Variants in RMI1 observed in about 807,000 individuals in gnomAD.
RMI1 encodes RecQ mediated genome instability 1.
A neutral mutation model predicts 46.7 loss-of-function variants in RMI1; 36 were observed. That is an observed-to-expected ratio of 0.77 (90% confidence interval 0.59 to 1.02). The LOEUF (loss-of-function observed/expected upper bound fraction) is 1.02, where lower values mean the gene tolerates loss of function less well. RMI1 is among the 50% of genes least tolerant of loss of function. The probability of loss-of-function intolerance (pLI) is 0.00; values close to 1 mark genes in which losing one functional copy is unlikely to be tolerated. For missense variants in RMI1, 676 were observed against 713.7 expected (o/e 0.95, Z 0.60); for synonymous variants, 250 against 252.9 (o/e 0.99, Z 0.11).
chr9:83,995,290 C>T (rs1369775654), intron 1 of RMI1, among the ~76,000 whole-genome samples: 2 of 111,686 alleles, frequency 1.8e-5, no homozygotes, highest in African/African-American at 3.4e-5. Context: ...TGAGCCACTG[C>T]CCCGGCCTCA....
chr9:84,000,513 A>G (rs1480342254), intron 2 of RMI1, among the ~76,000 whole-genome samples: 1 of 152,184 alleles, frequency 6.6e-6, no homozygotes, highest in East Asian at 1.9e-4. Flanking sequence ...AGTTTCAGAC[A>G]TCCACTGGGG....
At chr9:83,983,009 T>A (rs914466514) in intron 1 of RMI1, among the ~76,000 whole-genome samples, 3 of 152,252 alleles carry the variant, frequency 2.0e-5, no homozygotes, top group Non-Finnish European at 2.9e-5. Context: ...GTGATCACTT[T>A]GGACTCAGTG....
intron 1 of RMI1, among the ~76,000 whole-genome samples, chr9:83,986,646 T>C (rs1221470951): frequency 6.6e-6 from 1 of 152,256 alleles, no homozygotes; most frequent in Non-Finnish European, 1.5e-5. Flanking sequence ...GTACATTTTT[T>C]ATTGATATCT....
Position 84,001,160 on chromosome 9 carries a change from T to TA in RMI1, c.175dup (p.Thr59AsnfsTer2). On this transcript the variant is annotated frameshift_variant, in exon 3 of 3. Coordinates refer to ENST00000445877, the MANE Select transcript of RMI1 (RefSeq NM_001358291.2). LOFTEE classifies it high-confidence loss of function. The stretch of plus-strand genomic sequence containing the variant: ...AACAAGTGTTTGAGCAGTGGCTCCT[T>TA]ACTGATCTGAGGGATTTGGAGCATC... 1 of 1,614,098 alleles carries TA rather than the reference T, an allele frequency of 6.2e-7. No homozygotes were observed. Among genetic ancestry groups the TA allele is most frequent in the Admixed American group, 1.7e-5 (1 of 60,004 alleles).
Position 84,002,867 on chromosome 9 carries a change from A to G in RMI1, c.*3A>G. The G allele has an allele frequency of 7.0e-7, 1 of 1,434,330 alleles. No homozygotes were observed. Among genetic ancestry groups the G allele is most frequent in the Non-Finnish European group, 9.5e-7 (1 of 1,056,718 alleles). 88.9% of individuals were successfully genotyped at this position (1,434,330 alleles called of 1,614,324 possible). A position where few individuals can be genotyped will look rare whatever the true frequency, so the allele number is the denominator to read the frequency against. ...TAAAGAAGCGGTTAAATAAATAATT[A>G]AACTAAAATAGTATTAGGAACAATT... On this transcript the variant is annotated 3_prime_UTR_variant, in exon 3 of 3. Coordinates refer to ENST00000445877, the MANE Select transcript of RMI1 (RefSeq NM_001358291.2).
intron 1 of RMI1, among the ~76,000 whole-genome samples, chr9:83,989,394 A>T (rs1454427530): frequency 6.6e-6 from 1 of 152,260 alleles, no homozygotes; most frequent in Admixed American, 6.5e-5. Context: ...CAGAGTAAAG[A>T]GACAACTTAT....
At chr9:83,999,055 C>T (rs932032818) in intron 1 of RMI1, among the ~76,000 whole-genome samples, 6 of 151,942 alleles carry the variant, frequency 3.9e-5, no homozygotes, top group African/African-American at 1.4e-4. Flanking sequence ...GCAGGAGAAT[C>T]GATTGAACCT....
intron 1 of RMI1, among the ~76,000 whole-genome samples, chr9:83,985,012 C>T (rs1254808600): frequency 6.6e-6 from 1 of 152,164 alleles, no homozygotes; most frequent in African/African-American, 2.4e-5. Context: ...GCTGCTTCTA[C>T]CTGCTTGTGA....
chr9:84,001,700 T>C lies in RMI1; in HGVS notation c.714T>C (p.Pro238=). 1 of 1,613,990 alleles carries C rather than the reference T, an allele frequency of 6.2e-7. No individual in the cohort carries two copies. The change falls in exon 3 of 3, where the codon CCT becomes CCC. Residue 238 remains proline, a synonymous_variant. Coordinates refer to ENST00000445877, the MANE Select transcript of RMI1 (RefSeq NM_001358291.2). ...CCAGAGTTACAGATGTTCTAGATCC[T>C]GCATTAGGTCCTTCTGATGAAGAAC... ...NIPRVTDVLD[P]ALGPSDEELL...
intron 1 of RMI1, 77 bp downstream of exon 1, chr9:83,980,968 G>T (rs554466032): frequency 1.3e-5 from 2 of 152,488 alleles, no homozygotes; most frequent in Middle Eastern, 3.4e-3. Context: ...CCCGCCCCGG[G>T]CTGTGGTCTG....
chr9:83,987,848 TCA>T (rs1957515278), intron 1 of RMI1, among the ~76,000 whole-genome samples: 1 of 152,210 alleles, frequency 6.6e-6, no homozygotes, highest in African/African-American at 2.4e-5. Context: ...ATGGATATTA[TCA>T]CAGTTTGTTT....
At chr9:83,985,653 C>T (rs1359113670) in intron 1 of RMI1, among the ~76,000 whole-genome samples, 1 of 152,178 alleles carries the variant, frequency 6.6e-6, no homozygotes, top group African/African-American at 2.4e-5. Context: ...GTTCACTGAG[C>T]AGTGTTTTTC....
In RMI1 at chr9:84,001,026, C is replaced by T; in HGVS notation, c.40C>T (p.Leu14Phe). Reference protein sequence around the residue: ...TSIALRAETWLLAAWHVKVPP... With the variant: ...TSIALRAETWFLAAWHVKVPP... ...TATTGCATTAAGAGCTGAAACTTGG[C>T]TTTTAGCTGCATGGCATGTTAAAGT... Residue 14 changes from leucine (L) to phenylalanine (F), a missense_variant, in exon 3 of 3, where the codon CTT becomes TTT. By Grantham distance (22) the Leu-to-Phe change is conservative (BLOSUM62 0). Coordinates refer to ENST00000445877, the MANE Select transcript of RMI1 (RefSeq NM_001358291.2). 1 of 1,612,852 alleles carries T rather than the reference C, an allele frequency of 6.2e-7. No homozygotes were observed. Among genetic ancestry groups the T allele is most frequent in the Non-Finnish European group, 8.5e-7 (1 of 1,179,444 alleles).
rs1293497407 is a variant in RMI1 at position 84,001,799 on chromosome 9, A to G, written c.813A>G (p.Thr271=). The change falls in exon 3 of 3, where the codon ACA becomes ACG. Residue 271 remains threonine (T), a synonymous_variant. Coordinates refer to ENST00000445877, the MANE Select transcript of RMI1 (RefSeq NM_001358291.2). ...CTTCCTCAGAACGATGTTTCACCAC[A>G]GGTAGTTCCTCAAATACCATTCCCA... ...NDTSSERCFT[T]GSSSNTIPTR... 5.6e-6 allele frequency: 9 copies of G among 1,614,076 alleles called. No homozygotes were observed. The highest frequency in any genetic ancestry group is 7.6e-6 in the Non-Finnish European group (9 of 1,179,944).
Position 84,004,044 on chromosome 9 carries a change from A to G in RMI1, c.*1180A>G, listed in dbSNP as rs916178828. On this transcript the variant is annotated 3_prime_UTR_variant, in exon 3 of 3. Coordinates refer to ENST00000445877, the MANE Select transcript of RMI1 (RefSeq NM_001358291.2). ...AATAATTTAAAGTGCTTTGAATTTT[A>G]AAACATTAAACAAATCCTTAAATAA... 4 of 158,378 alleles carry G rather than the reference A, an allele frequency of 2.5e-5. No homozygotes were observed. Among genetic ancestry groups the G allele is most frequent in the African/African-American group, 4.8e-5 (2 of 41,464 alleles). The allele number at this position is 158,378 out of a possible 1,614,324, so 9.8% of individuals were successfully genotyped here.
chr9:83,984,549 A>G (rs1487543206), intron 1 of RMI1, among the ~76,000 whole-genome samples: 4 of 144,342 alleles, frequency 2.8e-5, no homozygotes, highest in African/African-American at 7.9e-5. Context: ...TGGGATTACC[A>G]GTTTTGAACA....
At position 83,990,488 on chromosome 9, in the gene RMI1, C is replaced by T. The variant is rs150729203; in HGVS notation, c.-125-9221C>T. ...TAGCGCCGCTGCACTCCAGCCTGGG[C>T]GACAGAGCTAGAATGCTGTCTTAAA... On this transcript the variant is annotated intron_variant, in intron 1 of 2. Transcript: ENST00000445877. Among the ~76,000 whole-genome samples the T allele has an allele frequency of 6.1e-3, 873 of 144,278 alleles. 8 individuals are homozygous for T. Among genetic ancestry groups the T allele is most frequent in the African/African-American group, 0.021 (829 of 39,184 alleles). The allele number at this position is 144,278 out of a possible 152,430, so 94.7% of individuals were successfully genotyped here.
chr9:83,995,424 C>CTTT (rs5898840), intron 1 of RMI1, among the ~76,000 whole-genome samples: 1 of 139,876 alleles, frequency 7.1e-6, no homozygotes, highest in Non-Finnish European at 1.5e-5. Context: ...TGTGTAATAT[C>CTTT]TTTTTTTTTT....
At chr9:83,993,078 C>T (rs1014874947) in intron 1 of RMI1, 3 of 151,940 alleles carry the variant, frequency 2.0e-5, no homozygotes, top group Non-Finnish European at 4.4e-5. Flanking sequence ...CAATTTATGG[C>T]ATTGTTACTT....
Sources: allele counts gnomAD v4.1 joint callset (sites outside exome capture counted in the v4.1 genomes callset), GRCh38; gene constraint gnomAD v4.1.1; transcripts MANE v1.5; gene names NCBI Gene and HGNC (gene_info 2026-07-23, HGNC 2026-07-21).